The following CLPB variants were observed in gnomAD, a reference collection of about 807,000 sequenced individuals.
CLPB encodes the protein mitochondrial disaggregase.
Under a neutral mutation model 78.4 loss-of-function variants are expected in CLPB, and 40 were observed. The observed-to-expected ratio is 0.51, with a 90% confidence interval of 0.40 to 0.66. The LOEUF is 0.66. Ranked by LOEUF, CLPB falls within the 30% of genes least tolerant of loss-of-function variation. The pLI, the probability that CLPB is intolerant of heterozygous loss-of-function variation, is 0.00. For synonymous variants in CLPB, 333 were observed against 348.0 expected (o/e 0.96, Z 0.48); for missense variants, 780 against 886.9 (o/e 0.88, Z 1.53).
intron 6 of CLPB, among the ~76,000 whole-genome samples, chr11:72,321,877 T>C (rs1950049732): frequency 6.6e-6 from 1 of 151,012 alleles, no homozygotes; most frequent in Non-Finnish European, 1.5e-5. Context: ...CATATCACAG[T>C]CGGGGCTTCT....
rs1289886548 is a variant in CLPB at position 72,291,062 on chromosome 11, TCATGTAAAAA to T, written c.*2295_*2304del. ...GCAAAAATGCAGATCCTCAATCATATCATGTAAAAACATTAAACAAACTAAAACTGGGGAA... is the reference window on the plus strand; with the variant it reads ...GCAAAAATGCAGATCCTCAATCATATCATTAAACAAACTAAAACTGGGGAA... On this transcript the variant is annotated 3_prime_UTR_variant, in exon 16 of 16. Transcript: ENST00000538039. 1 of 152,012 alleles carries T rather than the reference TCATGTAAAAA, an allele frequency of 6.6e-6. No individual in the cohort carries two copies. The highest frequency in any genetic ancestry group is 1.5e-5 in the Non-Finnish European group (1 of 68,014). 9.4% of individuals were successfully genotyped at this position (152,012 alleles called of 1,614,324 possible).
chr11:72,324,334 G>A (rs889145787), intron 6 of CLPB, among the ~76,000 whole-genome samples: 8 of 152,140 alleles, frequency 5.3e-5, no homozygotes, highest in African/African-American at 1.4e-4. Context: ...TTGGGAGGCC[G>A]AGGTGGGTGC....
At chr11:72,357,841 GC>G (rs1950749708) in intron 5 of CLPB, among the ~76,000 whole-genome samples, 1 of 152,098 alleles carries the variant, frequency 6.6e-6, no homozygotes, top group African/African-American at 2.4e-5. Context: ...CATCAGAGTG[GC>G]CCAGAGACCT....
intron 5 of CLPB, among the ~76,000 whole-genome samples, chr11:72,355,710 C>T (rs1950700134): frequency 6.6e-6 from 1 of 152,184 alleles, no homozygotes; most frequent in Non-Finnish European, 1.5e-5. Context: ...TCCTAATGGG[C>T]CAGAGAGCTT....
intron 5 of CLPB, among the ~76,000 whole-genome samples, chr11:72,331,990 G>A (rs775397078): frequency 2.6e-5 from 4 of 152,162 alleles, no homozygotes; most frequent in Non-Finnish European, 4.4e-5. Flanking sequence ...GCTCTATAGC[G>A]ATGTGGGAGG....
intron 1 of CLPB, among the ~76,000 whole-genome samples, chr11:72,430,724 TG>T (rs777624552): frequency 1.1e-4 from 17 of 152,206 alleles, no homozygotes; most frequent in Non-Finnish European, 1.8e-4. Flanking sequence ...AAAGATTCCC[TG>T]ATCTTGTCCA....
chr11:72,429,494 CCTGT>C (rs1379647421), intron 2 of CLPB, among the ~76,000 whole-genome samples: 4 of 152,228 alleles, frequency 2.6e-5, no homozygotes, highest in African/African-American at 9.7e-5. Flanking sequence ...CACCTGACTT[CCTGT>C]CTAACATGCA....
At chr11:72,418,412 T>C (rs1356134280) in intron 2 of CLPB, among the ~76,000 whole-genome samples, 2 of 152,230 alleles carry the variant, frequency 1.3e-5, no homozygotes, top group Non-Finnish European at 2.9e-5. Flanking sequence ...AGGTCAATTA[T>C]CATCCCTACT....
intron 3 of CLPB, among the ~76,000 whole-genome samples, chr11:72,386,234 G>T (rs149786951): frequency 1.4e-3 from 220 of 152,128 alleles, no homozygotes; most frequent in African/African-American, 5.2e-3. Context: ...TACTAGTCAG[G>T]ATGAATTTTT....
chr11:72,400,902 C>T (rs1416896251), intron 3 of CLPB, among the ~76,000 whole-genome samples: 1 of 152,196 alleles, frequency 6.6e-6, no homozygotes, highest in Non-Finnish European at 1.5e-5. Context: ...TCATACTATA[C>T]TATGTCTCCT....
chr11:72,394,014 C>T (rs1590888964), intron 3 of CLPB, among the ~76,000 whole-genome samples: 1 of 152,284 alleles, frequency 6.6e-6, no homozygotes, highest in Middle Eastern at 3.4e-3. Context: ...CCCCATTGCT[C>T]ACCACTCAAG....
chr11:72,325,787 A>G (rs1176661363), intron 6 of CLPB, among the ~76,000 whole-genome samples: 3 of 152,190 alleles, frequency 2.0e-5, no homozygotes, highest in Admixed American at 6.5e-5. Context: ...CTGTGGCTGG[A>G]CAGTGCACAC....
At chr11:72,319,693 A>G (rs756216896) in intron 6 of CLPB, among the ~76,000 whole-genome samples, 24 of 152,212 alleles carry the variant, frequency 1.6e-4, no homozygotes, top group Non-Finnish European at 3.5e-4. Context: ...CCACAAGGTG[A>G]GGATTAAATG....
At chr11:72,297,341 A>T (rs1949568385) in intron 11 of CLPB, among the ~76,000 whole-genome samples, 1 of 152,240 alleles carries the variant, frequency 6.6e-6, no homozygotes, top group Non-Finnish European at 1.5e-5. Flanking sequence ...AGGACTGTGC[A>T]TCAACCGAGC....
At chr11:72,380,743 T>A (rs1854886171) in intron 3 of CLPB, among the ~76,000 whole-genome samples, 1 of 152,212 alleles carries the variant, frequency 6.6e-6, no homozygotes. Context: ...AACACCTTTC[T>A]AAGGCCCAGT....
chr11:72,296,893 T>C (rs529467687), intron 11 of CLPB, among the ~76,000 whole-genome samples: 10 of 152,278 alleles, frequency 6.6e-5, no homozygotes, highest in African/African-American at 2.4e-4. Context: ...GGATCATAAC[T>C]TGTTCGAGGT....
At chr11:72,295,379 A>G in intron 12 of CLPB, 113 bp downstream of exon 12, 2 of 1,122,272 alleles carry the variant, frequency 1.8e-6, no homozygotes, top group Non-Finnish European at 2.6e-6. Flanking sequence ...AGCTAGGGAC[A>G]GAGCTGCCCA....
intron 3 of CLPB, among the ~76,000 whole-genome samples, chr11:72,401,463 TAAAAGAA>T (rs577367717): frequency 1.7e-4 from 26 of 151,180 alleles, no homozygotes; most frequent in Admixed American, 7.2e-4. Flanking sequence ...AAATAAATAG[TAAAAGAA>T]AAAAGAAAAA....
chr11:72,350,279 T>C (rs564396608), intron 5 of CLPB, among the ~76,000 whole-genome samples: 2 of 152,216 alleles, frequency 1.3e-5, no homozygotes, highest in Non-Finnish European at 1.5e-5. Flanking sequence ...ACTAGACTGC[T>C]GGATCCCTTT....
Sources: allele counts gnomAD v4.1 joint callset (sites outside exome capture counted in the v4.1 genomes callset), GRCh38; gene constraint gnomAD v4.1.1; transcripts MANE v1.5; gene names NCBI Gene and HGNC (gene_info 2026-07-23, HGNC 2026-07-21).